Variants in DNAJC3 observed in about 807,000 individuals in gnomAD.
DNAJC3 encodes dnaJ homolog subfamily C member 3.
Under a neutral mutation model 68.6 loss-of-function variants are expected in DNAJC3, and 38 were observed. That is an observed-to-expected ratio of 0.55 (90% CI 0.43 to 0.73). The LOEUF (loss-of-function observed/expected upper bound fraction) is 0.73, where lower values mean the gene tolerates loss of function less well. Among genes scored for constraint, DNAJC3 ranks in the 30% least tolerant of loss-of-function variants. The probability of loss-of-function intolerance (pLI) is 0.00; values close to 1 mark genes in which losing one functional copy is unlikely to be tolerated. For missense variants in DNAJC3, 526 were observed against 591.9 expected (o/e 0.89, Z 1.16); for synonymous variants, 203 against 204.0 (o/e 1.00, Z 0.04).
intron 1 of DNAJC3, among the ~76,000 whole-genome samples, chr13:95,681,525 T>C (rs1341979410): frequency 1.3e-5 from 2 of 151,966 alleles, no homozygotes; most frequent in Non-Finnish European, 2.9e-5. Flanking sequence ...ACTAAGTTTT[T>C]AAAATTTTTT....
intron 1 of DNAJC3, among the ~76,000 whole-genome samples, chr13:95,699,914 C>A (rs1484666214): frequency 6.6e-6 from 1 of 151,994 alleles, no homozygotes; most frequent in Non-Finnish European, 1.5e-5. Context: ...AGCACCTGGC[C>A]TCAAGTGATT....
chr13:95,717,719 C>T lies in DNAJC3; in HGVS notation c.194-5523C>T, dbSNP rs140558274. On this transcript the variant is annotated intron_variant, in intron 2 of 11. Transcript: ENST00000602402. ...ACGAGATCTGAAGATTTTATAAATT[C>T]GCTTGGCTCTCATTCTCTCTTGTCT... 1.6e-4 allele frequency among the ~76,000 whole-genome samples: 24 copies of T among 152,292 alleles called. No homozygotes were observed. In the East Asian group the frequency reaches 2.5e-3, roughly 16 times the overall value.
At chr13:95,720,608 G>A (rs1280887455) in intron 2 of DNAJC3, among the ~76,000 whole-genome samples, 2 of 152,062 alleles carry the variant, frequency 1.3e-5, no homozygotes, top group Non-Finnish European at 2.9e-5. Flanking sequence ...GAAAAATACT[G>A]TATATCAAGC....
At chr13:95,684,092 T>G (rs1880004616) in intron 1 of DNAJC3, among the ~76,000 whole-genome samples, 1 of 152,090 alleles carries the variant, frequency 6.6e-6, no homozygotes, top group Non-Finnish European at 1.5e-5. Flanking sequence ...GGGCAGAGGT[T>G]GGGACAGTTT....
At chr13:95,756,656 T>C (rs1882674150) in intron 4 of DNAJC3, among the ~76,000 whole-genome samples, 1 of 152,202 alleles carries the variant, frequency 6.6e-6, no homozygotes, top group African/African-American at 2.4e-5. Context: ...GAATTAACTT[T>C]CCCTTGTCTG....
chr13:95,767,774 C>T (rs1883037860), intron 9 of DNAJC3, among the ~76,000 whole-genome samples: 1 of 151,380 alleles, frequency 6.6e-6, no homozygotes. Context: ...ACTGCAACCT[C>T]CATCTCCTGG....
chr13:95,725,362 T>G (rs1307718754), intron 4 of DNAJC3, 110 bp downstream of exon 4: 2 of 671,842 alleles, frequency 3.0e-6, no homozygotes, highest in Non-Finnish European at 4.6e-6. Context: ...GAGTCAATAG[T>G]CTTAGACAGT....
At position 95,726,203 on chromosome 13, in the gene DNAJC3, T is replaced by C. The variant is rs558705828; in HGVS notation, c.393+951T>C. 1.4e-4 allele frequency among the ~76,000 whole-genome samples: 21 copies of C among 152,182 alleles called. No individual in the cohort carries two copies. In the East Asian group the frequency reaches 1.7e-3, roughly 13 times the overall value. On this transcript the variant is annotated intron_variant, in intron 4 of 11. Transcript: ENST00000602402. ...GGGTATATACCCAGTAATGGGATGG[T>C]TGGGTCAAATGGTATTTCTAGTTCT...
intron 4 of DNAJC3, among the ~76,000 whole-genome samples, chr13:95,731,581 C>A (rs1172148380): frequency 6.6e-6 from 1 of 152,158 alleles, no homozygotes; most frequent in Non-Finnish European, 1.5e-5. Context: ...CTTTGTTTGT[C>A]CATGTGATGT....
intron 2 of DNAJC3, among the ~76,000 whole-genome samples, chr13:95,720,845 C>T (rs1343437725): frequency 6.6e-6 from 1 of 151,492 alleles, no homozygotes; most frequent in African/African-American, 2.4e-5. Flanking sequence ...TACCTAATTC[C>T]TTTTTTAAAA....
chr13:95,746,781 A>G (rs1045875788), intron 4 of DNAJC3, among the ~76,000 whole-genome samples: 7 of 152,198 alleles, frequency 4.6e-5, no homozygotes, highest in African/African-American at 1.7e-4. Flanking sequence ...GCTACATTTT[A>G]TATAAAAGAA....
intron 9 of DNAJC3, 120 bp from the exon 10 acceptor site, chr13:95,785,819 A>G (rs1883585399): frequency 1.1e-6 from 1 of 913,202 alleles, no homozygotes; most frequent in East Asian, 3.1e-5. Flanking sequence ...GTTTTTGGCA[A>G]TAATGGCCAA....
chr13:95,733,145 G>A (rs1881769856), intron 4 of DNAJC3, among the ~76,000 whole-genome samples: 3 of 152,070 alleles, frequency 2.0e-5, no homozygotes, highest in African/African-American at 7.2e-5. Context: ...TGTCTGTTAA[G>A]TCTGTTTGGT....
chr13:95,750,862 T>A lies in DNAJC3; in HGVS notation c.394-6782T>A, dbSNP rs116039812. Among the ~76,000 whole-genome samples the A allele has an allele frequency of 6.5e-3, 985 of 152,116 alleles. 8 individuals are homozygous for A. The highest frequency in any genetic ancestry group is 0.023 in the African/African-American group (944 of 41,492). On this transcript the variant is annotated intron_variant, in intron 4 of 11. Coordinates refer to ENST00000602402, the MANE Select transcript of DNAJC3 (RefSeq NM_006260.5). ...GAAATAGTAAAACCAAGCTCATGGG[T>A]AGTATTCTTAGTACTAGATGAAAAA...
intron 1 of DNAJC3, among the ~76,000 whole-genome samples, chr13:95,705,984 T>C (rs950574304): frequency 6.6e-6 from 1 of 152,210 alleles, no homozygotes; most frequent in Admixed American, 6.5e-5. Flanking sequence ...CTCTCTCTTA[T>C]TATGCTAGGG....
intron 1 of DNAJC3, chr13:95,693,769 A>C (rs139402026): frequency 6.6e-6 from 1 of 150,756 alleles, no homozygotes; most frequent in Non-Finnish European, 1.5e-5. Flanking sequence ...ATTTTACTCA[A>C]CCACAATCCA....
chr13:95,688,933 T>TGG (rs1184569397), intron 1 of DNAJC3, among the ~76,000 whole-genome samples: 1 of 121,102 alleles, frequency 8.3e-6, no homozygotes, highest in African/African-American at 2.8e-5. Context: ...TGTGGGTGTG[T>TGG]GTGTGTGTGT....
intron 1 of DNAJC3, among the ~76,000 whole-genome samples, chr13:95,691,540 G>A (rs1008098924): frequency 4.0e-5 from 6 of 151,076 alleles, no homozygotes; most frequent in Admixed American, 1.3e-4. Flanking sequence ...ATGGGATGGC[G>A]GCCGGGCAGA....
chr13:95,746,882 G>T (rs1006439165), intron 4 of DNAJC3, among the ~76,000 whole-genome samples: 1 of 152,300 alleles, frequency 6.6e-6, no homozygotes, highest in Non-Finnish European at 1.5e-5. Flanking sequence ...CAGCTGGGGT[G>T]AGGGTTGCCT....
Sources: allele counts gnomAD v4.1 joint callset (sites outside exome capture counted in the v4.1 genomes callset), GRCh38; gene constraint gnomAD v4.1.1; transcripts MANE v1.5; gene names NCBI Gene and HGNC (gene_info 2026-07-23, HGNC 2026-07-21).